The following SPATA17 variants were observed in gnomAD, a reference collection of about 807,000 sequenced individuals.
SPATA17 encodes the protein spermatogenesis-associated protein 17.
A neutral mutation model predicts 62.2 loss-of-function variants in SPATA17; 53 were observed. The ratio of observed to expected loss-of-function variants is 0.85; its 90% confidence interval spans 0.68 to 1.07. The LOEUF (loss-of-function observed/expected upper bound fraction) is 1.07. SPATA17 is among the 50% of genes least tolerant of loss of function. The pLI is 0.00. For synonymous variants in SPATA17, 146 were observed against 146.8 expected (o/e 0.99, Z 0.04); for missense variants, 466 against 425.5 (o/e 1.10, Z -0.84).
chr1:217,787,889 A>C (rs1673907539), intron 8 of SPATA17, among the ~76,000 whole-genome samples: 1 of 152,150 alleles, frequency 6.6e-6, no homozygotes. Flanking sequence ...TGTACTTCTT[A>C]TTTATGGGAT....
chr1:217,782,423 G>A, intron 8 of SPATA17, 101 bp downstream of exon 8: 1 of 1,329,008 alleles, frequency 7.5e-7, no homozygotes, highest in Non-Finnish European at 9.9e-7. Flanking sequence ...TTATTTGTGA[G>A]AAAAGGTAAA....
At chr1:217,732,041 G>A (rs1672413142) in intron 5 of SPATA17, among the ~76,000 whole-genome samples, 1 of 150,216 alleles carries the variant, frequency 6.7e-6, no homozygotes, top group Admixed American at 6.6e-5. Context: ...TTCCCCTCTT[G>A]GAGTTGACAA....
At chr1:217,842,681 GA>G (rs1426975329) in intron 9 of SPATA17, among the ~76,000 whole-genome samples, 1 of 151,694 alleles carries the variant, frequency 6.6e-6, no homozygotes, top group Admixed American at 6.6e-5. Flanking sequence ...TTTTGTTAAG[GA>G]TTTTTAAATT....
At chr1:217,649,340 A>ATGG (rs1419830470) in intron 2 of SPATA17, among the ~76,000 whole-genome samples, 2 of 152,044 alleles carry the variant, frequency 1.3e-5, no homozygotes, top group Non-Finnish European at 2.9e-5. Context: ...TTAGCCGGGC[A>ATGG]TGGTGGTGCA....
chr1:217,823,634 T>C (rs1206197037), intron 9 of SPATA17, among the ~76,000 whole-genome samples: 1 of 151,988 alleles, frequency 6.6e-6, no homozygotes, highest in Non-Finnish European at 1.5e-5. Context: ...GCATTTGGTC[T>C]ATAGTACAGT....
chr1:217,779,170 GTGTC>G (rs903019958), intron 7 of SPATA17, among the ~76,000 whole-genome samples: 3 of 149,130 alleles, frequency 2.0e-5, no homozygotes, highest in Non-Finnish European at 4.5e-5. Context: ...GTGTGTGTGT[GTGTC>G]TGTGTATGGA....
chr1:217,837,191 A>T (rs1024681849), intron 9 of SPATA17, among the ~76,000 whole-genome samples: 1 of 152,058 alleles, frequency 6.6e-6, no homozygotes, highest in African/African-American at 2.4e-5. Flanking sequence ...GTTTCTTGAG[A>T]TTTGGGGAAG....
intron 7 of SPATA17, among the ~76,000 whole-genome samples, chr1:217,780,800 A>C (rs2102975958): frequency 6.6e-6 from 1 of 152,320 alleles, no homozygotes; most frequent in African/African-American, 2.4e-5. Context: ...GTGTCACATT[A>C]TCGTACACAT....
Position 217,741,975 on chromosome 1 carries a change from G to A in SPATA17, c.396G>A (p.Arg132=). Residue 132 remains arginine (R), a splice_region_variant and synonymous_variant, in exon 6 of 11, where the codon AGG becomes AGA. Transcript: ENST00000366933. ...KVVSETNDAI[R]KALEEFAEMK... is the part of the protein sequence containing the mutation. ...ATAACTGCAGATGGTTTTGATGCAG[G>A]AAGGCACTGGAGGAGTTTGCAGAAA... 6.2e-7 allele frequency: 1 copy of A among 1,613,940 alleles called. No homozygotes were observed. The highest frequency in any genetic ancestry group is 8.5e-7 in the Non-Finnish European group (1 of 1,179,922).
chr1:217,793,979 G>A (rs1571809879), intron 8 of SPATA17, among the ~76,000 whole-genome samples: 1 of 152,120 alleles, frequency 6.6e-6, no homozygotes, highest in Non-Finnish European at 1.5e-5. Flanking sequence ...AGTTGGGTGT[G>A]GTGGCGGGCG....
chr1:217,760,787 G>T (rs1364055363), intron 6 of SPATA17, among the ~76,000 whole-genome samples: 1 of 152,110 alleles, frequency 6.6e-6, no homozygotes, highest in Non-Finnish European at 1.5e-5. Context: ...TTATCTTGGA[G>T]GCTATCTTTT....
intron 1 of SPATA17, among the ~76,000 whole-genome samples, chr1:217,640,784 G>A (rs1448128842): frequency 6.6e-6 from 1 of 151,652 alleles, no homozygotes; most frequent in Non-Finnish European, 1.5e-5. Context: ...GACAAAATAA[G>A]GTATAAGAAA....
In SPATA17 at chr1:217,754,839, A is replaced by G. The variant is rs546948535; in HGVS notation, c.519+12741A>G. Among the ~76,000 whole-genome samples, 31 of 152,206 alleles carry G rather than the reference A, an allele frequency of 2.0e-4. 2 individuals carry two copies. The highest frequency in any genetic ancestry group is 3.4e-3 in the Middle Eastern group (1 of 294). On this transcript the variant is annotated intron_variant, in intron 6 of 10. Coordinates refer to ENST00000366933, the MANE Select transcript of SPATA17 (RefSeq NM_138796.4). ...TGTGCACTCTATCATGAAATACAAT[A>G]TGCCCTTTATATTAAAACTAGAGAC...
chr1:217,689,907 C>CT (rs774941353), intron 5 of SPATA17, among the ~76,000 whole-genome samples: 535 of 144,006 alleles, frequency 3.7e-3, no homozygotes, highest in Middle Eastern at 0.011. Context: ...TTTTCTTTTT[C>CT]TTTTTTTTTT....
At chr1:217,835,405 G>T (rs543979574) in intron 9 of SPATA17, among the ~76,000 whole-genome samples, 1 of 152,040 alleles carries the variant, frequency 6.6e-6, no homozygotes, top group Non-Finnish European at 1.5e-5. Flanking sequence ...TTTTCATTTT[G>T]CACTTTAGCC....
intron 5 of SPATA17, 70 bp from the exon 6 acceptor site, chr1:217,741,905 T>A: frequency 6.3e-7 from 1 of 1,585,014 alleles, no homozygotes; most frequent in South Asian, 1.1e-5. Flanking sequence ...AAAAACTGAT[T>A]TATCATCAGT....
At chr1:217,714,873 G>C (rs1002884843) in intron 5 of SPATA17, among the ~76,000 whole-genome samples, 1 of 152,134 alleles carries the variant, frequency 6.6e-6, no homozygotes, top group Admixed American at 6.5e-5. Context: ...TCAGGACATA[G>C]GTAGAAAGGA....
At position 217,782,335 on chromosome 1, in the gene SPATA17, C is replaced by T. The variant is rs375065345; in HGVS notation, c.872+13C>T. ...TAAATGACAATATGTGAGTTCTTAGCTTAACAAAAATAGCTGTGACATATT... is the reference window on the plus strand; with the variant it reads ...TAAATGACAATATGTGAGTTCTTAGTTTAACAAAAATAGCTGTGACATATT... On this transcript the variant is annotated intron_variant, in intron 8 of 10. Transcript: ENST00000366933. 1 of 1,578,252 alleles carries T rather than the reference C, an allele frequency of 6.3e-7. No homozygotes were observed. The highest frequency in any genetic ancestry group is 8.6e-7 in the Non-Finnish European group (1 of 1,165,068).
chr1:217,807,431 G>A (rs1674459705), intron 9 of SPATA17, among the ~76,000 whole-genome samples: 1 of 151,694 alleles, frequency 6.6e-6, no homozygotes. Flanking sequence ...ACATATAAAA[G>A]GAAACCCATA....
Sources: gnomAD v4.1 joint callset for allele counts (sites outside exome capture counted in the v4.1 genomes callset) on GRCh38, gnomAD v4.1.1 for gene constraint, MANE v1.5 for transcripts, NCBI Gene and HGNC (gene_info 2026-07-23, HGNC 2026-07-21) for gene names.